The following PSD3 variants were observed in gnomAD, a reference collection of about 807,000 sequenced individuals.
The protein encoded by PSD3 is PH and SEC7 domain-containing protein 3.
In PSD3, 49 loss-of-function variants were observed where a neutral mutation model predicts 105.5. The observed-to-expected ratio is 0.46, with a 90% CI of 0.37 to 0.59. The LOEUF (loss-of-function observed/expected upper bound fraction) is 0.59, where lower values mean the gene tolerates loss of function less well. Among genes scored for constraint, PSD3 ranks in the 20% least tolerant of loss-of-function variants. PSD3 has a pLI of 0.00. For missense variants in PSD3, 1,561 were observed against 1,263.8 expected, an observed-to-expected ratio of 1.24 and a Z score of -3.57; for synonymous variants, 557 against 457.8, an observed-to-expected ratio of 1.22 and a Z score of -2.77.
At chr8:18,827,968 C>G (rs1269262901) in intron 4 of PSD3, among the ~76,000 whole-genome samples, 1 of 145,474 alleles carries the variant, frequency 6.9e-6, no homozygotes, top group African/African-American at 2.5e-5. Context: ...TTTCACAACA[C>G]TTAAATCATT....
At chr8:18,787,563 C>T (rs1173393398) in intron 8 of PSD3, among the ~76,000 whole-genome samples, 1 of 152,056 alleles carries the variant, frequency 6.6e-6, no homozygotes, top group Non-Finnish European at 1.5e-5. Context: ...AAATATTTGG[C>T]TAATCAAGGT....
intron 9 of PSD3, among the ~76,000 whole-genome samples, chr8:18,747,521 C>A (rs1025910978): frequency 3.9e-5 from 6 of 152,100 alleles, no homozygotes; most frequent in African/African-American, 1.4e-4. Context: ...TCTGAATTAT[C>A]AGAAAACATA....
intron 11 of PSD3, among the ~76,000 whole-genome samples, chr8:18,602,227 C>T (rs1294986846): frequency 6.6e-6 from 1 of 152,072 alleles, no homozygotes; most frequent in Non-Finnish European, 1.5e-5. Flanking sequence ...TCTACTTTCG[C>T]AGTAGATCAA....
intron 2 of PSD3, among the ~76,000 whole-genome samples, chr8:18,912,181 A>C (rs924963567): frequency 1.3e-5 from 2 of 152,224 alleles, no homozygotes; most frequent in Non-Finnish European, 2.9e-5. Context: ...TTATTTCATA[A>C]TGTCATAATG....
intron 10 of PSD3, among the ~76,000 whole-genome samples, chr8:18,647,519 T>C (rs1808131189): frequency 6.6e-6 from 1 of 151,454 alleles, no homozygotes; most frequent in Non-Finnish European, 1.5e-5. Context: ...ATGTGCTAAA[T>C]GACAAAGCAA....
At chr8:19,039,205 C>T (rs1036314388) in intron 1 of PSD3, among the ~76,000 whole-genome samples, 1 of 152,146 alleles carries the variant, frequency 6.6e-6, no homozygotes, top group Non-Finnish European at 1.5e-5. Flanking sequence ...AAGGTTAGAG[C>T]CTTTGCATTC....
intron 1 of PSD3, among the ~76,000 whole-genome samples, chr8:19,025,624 G>T (rs1827521940): frequency 6.6e-6 from 1 of 152,182 alleles, no homozygotes; most frequent in Non-Finnish European, 1.5e-5. Context: ...GGGAACCTCT[G>T]ATTTATGGCC....
chr8:18,715,072 A>G (rs1352337562), intron 9 of PSD3, among the ~76,000 whole-genome samples: 2 of 152,188 alleles, frequency 1.3e-5, no homozygotes, highest in Admixed American at 6.5e-5. Flanking sequence ...TAAGTGGGAG[A>G]TGAACAAGGA....
chr8:18,574,002 C>A (rs1200347820), intron 13 of PSD3, among the ~76,000 whole-genome samples: 2 of 152,176 alleles, frequency 1.3e-5, no homozygotes, highest in African/African-American at 4.8e-5. Context: ...TGAAAATCAT[C>A]TGATGTGATC....
intron 8 of PSD3, among the ~76,000 whole-genome samples, chr8:18,793,359 A>T (rs1240601256): frequency 7.1e-6 from 1 of 141,010 alleles, no homozygotes; most frequent in East Asian, 2.1e-4. Context: ...TAACTCTGTA[A>T]GGTATCAAAA....
chr8:18,871,656 T>A lies in PSD3; in HGVS notation c.1208A>T (p.Lys403Met). ...FLQENKQHLE[K>M]TPKPERDRER... Reference sequence around the variant, plus strand: ...CCTGTCTCTCTCTGGTTTAGGTGTCTTCTCAAGATGCTGTTTGTTTTCCTG... The same window carrying A: ...CCTGTCTCTCTCTGGTTTAGGTGTCATCTCAAGATGCTGTTTGTTTTCCTG... The change falls in exon 3 of 16, where the codon AAG becomes ATG. Residue 403 changes from lysine (K) to methionine (M), a missense_variant. Transcript: ENST00000327040. The A allele has an allele frequency of 6.2e-7, 1 of 1,612,154 alleles. No homozygotes were observed. The highest frequency in any genetic ancestry group is 8.5e-7 in the Non-Finnish European group (1 of 1,179,098).
intron 9 of PSD3, among the ~76,000 whole-genome samples, chr8:18,666,996 C>A (rs995140068): frequency 2.6e-5 from 4 of 152,062 alleles, no homozygotes; most frequent in East Asian, 1.9e-4. Context: ...CATGGTCTTG[C>A]TGGATGTGTT....
In PSD3 at chr8:18,949,221, C is replaced by CA. The variant is rs1213755572; in HGVS notation, c.22-13080dup. On this transcript the variant is annotated intron_variant, in intron 1 of 15. Transcript: ENST00000327040. Reference sequence around the variant, plus strand: ...TGGGCTACAGATCGAGACTCTGTCTCAAAAAAAAAAAAAAAAAAAAAAAAT... The same window carrying CA: ...TGGGCTACAGATCGAGACTCTGTCTCAAAAAAAAAAAAAAAAAAAAAAAAAT... Among the ~76,000 whole-genome samples the CA allele has an allele frequency of 2.0e-3, 24 of 11,898 alleles. 2 individuals are homozygous for CA. Among genetic ancestry groups the CA allele is most frequent in the African/African-American group, 3.7e-3 (19 of 5,068 alleles). 7.8% of individuals were successfully genotyped at this position (11,898 alleles called of 152,430 possible). A position where few individuals can be genotyped will look rare whatever the true frequency, so the allele number is the denominator to read the frequency against.
chr8:18,821,595 G>C (rs950014832), intron 4 of PSD3, among the ~76,000 whole-genome samples: 2 of 151,336 alleles, frequency 1.3e-5, no homozygotes, highest in African/African-American at 4.9e-5. Context: ...AGTTTCTATG[G>C]AAATGAACAA....
intron 9 of PSD3, among the ~76,000 whole-genome samples, chr8:18,703,849 G>A (rs1801732286): frequency 6.6e-6 from 1 of 152,086 alleles, no homozygotes; most frequent in East Asian, 1.9e-4. Context: ...TTCATAATTT[G>A]TCCTGAAGTA....
intron 4 of PSD3, among the ~76,000 whole-genome samples, chr8:18,853,376 A>T (rs1028907600): frequency 2.0e-5 from 3 of 152,174 alleles, no homozygotes; most frequent in Non-Finnish European, 4.4e-5. Flanking sequence ...GTCAGGAATT[A>T]TTCTTCAATC....
intron 1 of PSD3, among the ~76,000 whole-genome samples, chr8:19,062,263 T>C (rs1363575457): frequency 2.6e-5 from 4 of 152,250 alleles, no homozygotes; most frequent in Non-Finnish European, 5.9e-5. Context: ...AGTTAATTTA[T>C]GGAATCCTGG....
At chr8:18,754,007 C>T (rs1805815699) in intron 9 of PSD3, among the ~76,000 whole-genome samples, 1 of 152,266 alleles carries the variant, frequency 6.6e-6, no homozygotes, top group Admixed American at 6.5e-5. Flanking sequence ...TGCTACTGCC[C>T]CTCTATCTGA....
chr8:19,040,446 T>G (rs1261116515), intron 1 of PSD3, among the ~76,000 whole-genome samples: 1 of 152,118 alleles, frequency 6.6e-6, no homozygotes, highest in African/African-American at 2.4e-5. Flanking sequence ...GCTCAAGTGA[T>G]CCACATGCCT....
Sources: gnomAD v4.1 joint callset for allele counts (sites outside exome capture counted in the v4.1 genomes callset) on GRCh38, gnomAD v4.1.1 for gene constraint, MANE v1.5 for transcripts, NCBI Gene and HGNC (gene_info 2026-07-23, HGNC 2026-07-21) for gene names.